The following SVOPL variants were observed in gnomAD, a reference collection of about 807,000 sequenced individuals.
SVOPL encodes the protein putative transporter SVOPL.
A neutral mutation model predicts 61.0 loss-of-function variants in SVOPL; 60 were observed. The ratio of observed to expected loss-of-function variants is 0.98; its 90% CI spans 0.80 to 1.22. The LOEUF is 1.22. Among genes scored for constraint, SVOPL ranks in the 50% most tolerant of loss-of-function variants. The probability of loss-of-function intolerance (pLI) is 0.00; values close to 1 mark genes in which losing one functional copy is unlikely to be tolerated. For missense variants in SVOPL, 662 were observed against 643.9 expected, an observed-to-expected ratio of 1.03 and a Z score of -0.30; for synonymous variants, 279 against 250.0, an observed-to-expected ratio of 1.12 and a Z score of -1.09.
chr7:138,599,930 A>G (rs1441708385), intron 14 of SVOPL, among the ~76,000 whole-genome samples: 4 of 151,952 alleles, frequency 2.6e-5, no homozygotes, highest in Admixed American at 6.6e-5. Flanking sequence ...TTAAAGTTAC[A>G]TGTAACACTG....
intron 13 of SVOPL, among the ~76,000 whole-genome samples, chr7:138,622,160 G>A (rs71550683): frequency 0.056 from 978 of 17,338 alleles, 120 homozygotes; most frequent in African/African-American, 0.062. Context: ...GTATCTATCT[G>A]TCTATGTATC....
Position 138,625,044 on chromosome 7 carries a change from G to A in SVOPL, c.1263+925C>T, listed in dbSNP as rs563532074. ...TTATCAATACTCCAATCATTTTAAA[G>A]TGTCTCAGGCATCATAATACCCCTT... On this transcript the variant is annotated intron_variant, in intron 13 of 15. Coordinates refer to ENST00000674285, the MANE Select transcript of SVOPL (RefSeq NM_001139456.2). 125 of 152,300 alleles carry A rather than the reference G, an allele frequency of 8.2e-4. 1 individual carries two copies. Among genetic ancestry groups the A allele is most frequent in the African/African-American group, 2.8e-3 (116 of 41,542 alleles). The allele number at this position is 152,300 out of a possible 1,614,324, so 9.4% of individuals were successfully genotyped here.
rs1262945582 is a variant in SVOPL, at chr7:138,672,121, AAAG to A, written c.175-7_175-5del. 18 of 1,551,430 alleles carry A rather than the reference AAAG, an allele frequency of 1.2e-5. No homozygotes were observed. Among genetic ancestry groups the A allele is most frequent in the Admixed American group, 2.0e-5 (1 of 50,978 alleles). ...TGATCTCCATGGCCTCAACCACCTT[AAAG>A]AAGAGGGACACCATGCCATGTCTAA... On this transcript the variant is annotated splice_region_variant and splice_polypyrimidine_tract_variant and intron_variant, in intron 3 of 15. Coordinates refer to ENST00000674285, the MANE Select transcript of SVOPL (RefSeq NM_001139456.2).
At chr7:138,687,809 T>A (rs1414372800) in intron 1 of SVOPL, among the ~76,000 whole-genome samples, 3 of 145,388 alleles carry the variant, frequency 2.1e-5, no homozygotes, top group South Asian at 2.1e-4. Flanking sequence ...AAAATCTAAT[T>A]TTTTTTTTTT....
chr7:138,638,117 A>G (rs1800585485), intron 9 of SVOPL, among the ~76,000 whole-genome samples: 1 of 151,760 alleles, frequency 6.6e-6, no homozygotes, highest in South Asian at 2.1e-4. Flanking sequence ...CTACTAAAAT[A>G]TAAAAATTAA....
chr7:138,632,734 G>T (rs529291414), intron 9 of SVOPL, among the ~76,000 whole-genome samples: 87 of 151,648 alleles, frequency 5.7e-4, no homozygotes, highest in African/African-American at 1.9e-3. Context: ...GGAGGATGGG[G>T]GCGGGAGGAA....
chr7:138,601,165 T>C (rs970227537), intron 14 of SVOPL, among the ~76,000 whole-genome samples: 1 of 145,438 alleles, frequency 6.9e-6, no homozygotes, highest in Non-Finnish European at 1.5e-5. Context: ...GGTAGGAGAA[T>C]GGCGTGAATT....
At chr7:138,687,626 A>C (rs369977557) in intron 1 of SVOPL, among the ~76,000 whole-genome samples, 28 of 151,542 alleles carry the variant, frequency 1.8e-4, no homozygotes, top group African/African-American at 6.0e-4. Flanking sequence ...ACTTGGGCAA[A>C]AAACAAAAAA....
intron 15 of SVOPL, among the ~76,000 whole-genome samples, chr7:138,596,112 C>A (rs558642840): frequency 1.6e-4 from 24 of 150,356 alleles, no homozygotes; most frequent in Non-Finnish European, 1.8e-4. Context: ...GCACTTAAAC[C>A]CAGGAGGTGG....
At position 138,599,887 on chromosome 7, in the gene SVOPL, C is replaced by CAAAA. The variant is rs11379417; in HGVS notation, c.1354-3361_1354-3358dup. The stretch of plus-strand genomic sequence containing the variant: ...TGGACGATGGAGCGAGACTCCGTCT[C>CAAAA]AAAAAAAAAAAAAAAAAGGAAAAAA... On this transcript the variant is annotated intron_variant, in intron 14 of 15. Transcript: ENST00000674285. 3.0e-3 allele frequency among the ~76,000 whole-genome samples: 332 copies of CAAAA among 108,942 alleles called. 2 individuals carry two copies. The highest frequency in any genetic ancestry group is 0.01 in the African/African-American group (297 of 29,628). The allele number at this position is 108,942 out of a possible 152,430, so 71.5% of individuals were successfully genotyped here.
At position 138,681,184 on chromosome 7, in the gene SVOPL, AAT is replaced by A. The variant is rs367619809; in HGVS notation, c.-34-2107_-34-2106del. 2.6e-3 allele frequency among the ~76,000 whole-genome samples: 392 copies of A among 148,554 alleles called. 2 individuals are homozygous for A. Among genetic ancestry groups the A allele is most frequent in the Non-Finnish European group, 4.4e-3 (294 of 67,324 alleles). ...TATTATATAACATATAATATTAACA[AAT>A]ATATGTTATTAACAAATATAATAAA... On this transcript the variant is annotated intron_variant, in intron 1 of 15. Coordinates refer to ENST00000674285, the MANE Select transcript of SVOPL (RefSeq NM_001139456.2).
chr7:138,612,447 T>TAAAAAAAAAAAAAAAAAAAA (rs59229265), intron 14 of SVOPL, among the ~76,000 whole-genome samples: 2 of 22,298 alleles, frequency 9.0e-5, no homozygotes, highest in Non-Finnish European at 1.8e-4. Flanking sequence ...AAAAAAAAAA[T>TAAAAAAAAAAAAAAAAAAAA]AAAAAAAAAA....
At chr7:138,609,483 C>T (rs1193295489) in intron 14 of SVOPL, among the ~76,000 whole-genome samples, 1 of 140,388 alleles carries the variant, frequency 7.1e-6, no homozygotes, top group Non-Finnish European at 1.5e-5. Context: ...CAAGACACCA[C>T]CTCTACAAAA....
At position 138,612,014 on chromosome 7, in the gene SVOPL, G is replaced by A. The variant is rs1256728752; in HGVS notation, c.1353+9032C>T. Among the ~76,000 whole-genome samples the A allele has an allele frequency of 2.8e-4, 8 of 28,942 alleles. 1 individual carries two copies. The highest frequency in any genetic ancestry group is 6.3e-4 in the Admixed American group (1 of 1,576). The allele number at this position is 28,942 out of a possible 152,430, so 19.0% of individuals were successfully genotyped here. ...TGGTTGCCGGGTCTGTGTAGAAAGAGGTAGACATGGGAGACTTTTCATTTT... is the reference window on the plus strand; with the variant it reads ...TGGTTGCCGGGTCTGTGTAGAAAGAAGTAGACATGGGAGACTTTTCATTTT... On this transcript the variant is annotated intron_variant, in intron 14 of 15. Coordinates refer to ENST00000674285, the MANE Select transcript of SVOPL (RefSeq NM_001139456.2).
At chr7:138,662,554 A>G in intron 5 of SVOPL, 1 of 985,816 alleles carries the variant, frequency 1.0e-6, no homozygotes, top group Non-Finnish European at 1.2e-6. Flanking sequence ...AAACCAGAGG[A>G]AAAAACCTCC....
intron 14 of SVOPL, 162 bp from the exon 15 acceptor site, chr7:138,596,692 G>T: frequency 7.4e-7 from 1 of 1,354,280 alleles, no homozygotes; most frequent in Non-Finnish European, 9.5e-7. Flanking sequence ...GAGCCAATCT[G>T]GTGTAGTCAT....
At chr7:138,640,412 C>A (rs891275224) in intron 9 of SVOPL, among the ~76,000 whole-genome samples, 1 of 151,866 alleles carries the variant, frequency 6.6e-6, no homozygotes, top group African/African-American at 2.4e-5. Context: ...TATATTTTTA[C>A]TAGAGTCAGG....
At chr7:138,643,082 T>C (rs1800908643) in intron 9 of SVOPL, among the ~76,000 whole-genome samples, 1 of 151,982 alleles carries the variant, frequency 6.6e-6, no homozygotes, top group Non-Finnish European at 1.5e-5. Flanking sequence ...AACATAGAAT[T>C]ATCACAGGAT....
intron 8 of SVOPL, among the ~76,000 whole-genome samples, chr7:138,646,788 G>C (rs4732324): frequency 2.8e-4 from 42 of 152,102 alleles, no homozygotes; most frequent in African/African-American, 8.4e-4. Flanking sequence ...TAAAGTGCTG[G>C]GATTACAAAC....
Sources: allele counts gnomAD v4.1 joint callset (sites outside exome capture counted in the v4.1 genomes callset), GRCh38; gene constraint gnomAD v4.1.1; transcripts MANE v1.5; gene names NCBI Gene and HGNC (gene_info 2026-07-23, HGNC 2026-07-21).